Variants in BTBD9 observed in about 807,000 individuals in gnomAD.
BTBD9 encodes the protein BTB domain containing 9.
A neutral mutation model predicts 64.3 loss-of-function variants in BTBD9; 49 were observed. The observed-to-expected ratio is 0.76, with a 90% CI of 0.61 to 0.97. The LOEUF is 0.97. Among genes scored for constraint, BTBD9 ranks in the 50% least tolerant of loss-of-function variants. BTBD9 has a pLI of 0.00. For missense variants in BTBD9, 598 were observed against 762.1 expected, an observed-to-expected ratio of 0.78 and a Z score of 2.53; for synonymous variants, 260 against 274.7, an observed-to-expected ratio of 0.95 and a Z score of 0.53.
chr6:38,629,783 T>C lies in BTBD9; in HGVS notation c.-28+10017A>G, dbSNP rs142796085. On this transcript the variant is annotated intron_variant, in intron 1 of 10. Coordinates refer to ENST00000481247, the MANE Select transcript of BTBD9 (RefSeq NM_001099272.2). ...GTTACAGTGAGCTGAAATCACACCATTGCACTCCAGCCTGGGCAATAAGAA... is the reference window on the plus strand; with the variant it reads ...GTTACAGTGAGCTGAAATCACACCACTGCACTCCAGCCTGGGCAATAAGAA... Among the ~76,000 whole-genome samples, 15 of 151,720 alleles carry C rather than the reference T, an allele frequency of 9.9e-5. No homozygotes were observed. The East Asian group carries it at 2.6e-3, about 26-fold the overall frequency.
At chr6:38,197,083 T>G (rs1196846601) in intron 9 of BTBD9, among the ~76,000 whole-genome samples, 1 of 152,146 alleles carries the variant, frequency 6.6e-6, no homozygotes, top group Non-Finnish European at 1.5e-5. Flanking sequence ...GGTCTGTTAA[T>G]AAGGAAAGTT....
At chr6:38,530,410 C>T (rs111847605) in intron 6 of BTBD9, among the ~76,000 whole-genome samples, 16,685 of 152,138 alleles carry the variant, frequency 0.11, 1,117 homozygotes, top group Non-Finnish European at 0.14. Context: ...TGTTCTTACA[C>T]CCCCTCCCCT....
chr6:38,325,181 C>T lies in BTBD9; in HGVS notation c.1264+19803G>A, dbSNP rs558908908. On this transcript the variant is annotated intron_variant, in intron 7 of 10. Transcript: ENST00000481247. ...AAAAACATTTCTGAAAATTAAAACA[C>T]ATATACAAAATTGCCCAATATTATA... 3.9e-5 allele frequency among the ~76,000 whole-genome samples: 6 copies of T among 151,956 alleles called. No individual in the cohort carries two copies. In the South Asian group the frequency reaches 1.2e-3, roughly 32 times the overall value.
chr6:38,275,718 T>C (rs1761209847), intron 8 of BTBD9, among the ~76,000 whole-genome samples: 1 of 152,192 alleles, frequency 6.6e-6, no homozygotes, highest in Non-Finnish European at 1.5e-5. Context: ...CAAAAGAAGA[T>C]ATTTATGCAG....
chr6:38,409,826 A>T lies in BTBD9; in HGVS notation c.1155-64733T>A, dbSNP rs1052573263. On this transcript the variant is annotated intron_variant, in intron 6 of 10. Transcript: ENST00000481247. ...GCAACAGAGCAAGACTCTGTATCAA[A>T]AAATAAATAAATAAATAATAATAAA... Among the ~76,000 whole-genome samples, 4 of 152,128 alleles carry T rather than the reference A, an allele frequency of 2.6e-5. No individual in the cohort carries two copies. The East Asian group carries it at 5.8e-4, about 22-fold the overall frequency.
At chr6:38,324,750 A>C (rs1763358192) in intron 7 of BTBD9, among the ~76,000 whole-genome samples, 1 of 152,240 alleles carries the variant, frequency 6.6e-6, no homozygotes, top group Admixed American at 6.5e-5. Flanking sequence ...GGAAGTATGA[A>C]GCAAAATTAA....
At chr6:38,240,602 A>C (rs930245831) in intron 9 of BTBD9, among the ~76,000 whole-genome samples, 11 of 152,206 alleles carry the variant, frequency 7.2e-5, no homozygotes, top group Non-Finnish European at 1.3e-4. Flanking sequence ...CCCAAAATGA[A>C]AAGCTTAGAA....
intron 1 of BTBD9, among the ~76,000 whole-genome samples, chr6:38,603,735 G>T (rs1465377804): frequency 6.6e-6 from 1 of 152,166 alleles, no homozygotes; most frequent in Admixed American, 6.5e-5. Flanking sequence ...TCTGCCAGGT[G>T]TATTTCCTGA....
chr6:38,558,711 A>G (rs367602464), intron 6 of BTBD9, among the ~76,000 whole-genome samples: 3 of 152,350 alleles, frequency 2.0e-5, no homozygotes, highest in Admixed American at 6.5e-5. Context: ...ATGTTGAACC[A>G]ACCTTGCATC....
In BTBD9 at chr6:38,350,183, C is replaced by T. The variant is rs568674627; in HGVS notation, c.1155-5090G>A. Among the ~76,000 whole-genome samples the T allele has an allele frequency of 3.3e-5, 5 of 152,266 alleles. No individual in the cohort carries two copies. In the East Asian group the frequency reaches 5.8e-4, roughly 18 times the overall value. On this transcript the variant is annotated intron_variant, in intron 6 of 10. Coordinates refer to ENST00000481247, the MANE Select transcript of BTBD9 (RefSeq NM_001099272.2). ...AATGAATTTCTTTACAGAGAGACAG[C>T]ATAGTACTATGACCTAAAGAAATTT...
intron 7 of BTBD9, among the ~76,000 whole-genome samples, chr6:38,300,543 G>C (rs1265617054): frequency 1.3e-5 from 2 of 151,366 alleles, no homozygotes; most frequent in Admixed American, 6.6e-5. Flanking sequence ...ATTGAGCAGT[G>C]GTTTGTAGTT....
chr6:38,610,222 C>A (rs1777566644), intron 1 of BTBD9, among the ~76,000 whole-genome samples: 1 of 152,104 alleles, frequency 6.6e-6, no homozygotes, highest in Non-Finnish European at 1.5e-5. Context: ...GCCAGCTTCT[C>A]GAAGTGTATA....
intron 8 of BTBD9, among the ~76,000 whole-genome samples, chr6:38,263,962 T>G (rs1056402770): frequency 6.6e-6 from 1 of 152,160 alleles, no homozygotes; most frequent in Non-Finnish European, 1.5e-5. Context: ...AATGATACCG[T>G]GATGGCTACA....
rs924900598 is a variant in BTBD9 at position 38,505,870 on chromosome 6, C to T, written c.1154+71730G>A. Among the ~76,000 whole-genome samples the T allele has an allele frequency of 4.1e-5, 6 of 145,030 alleles. No individual in the cohort carries two copies. In the East Asian group the frequency reaches 6.1e-4, roughly 15 times the overall value. On this transcript the variant is annotated intron_variant, in intron 6 of 10. Coordinates refer to ENST00000481247, the MANE Select transcript of BTBD9 (RefSeq NM_001099272.2). ...GTCCCAGCTACTCAGGAGGCTGAGGCGGAAGAATCACTGGAACCCGGGAGG... is the reference window on the plus strand; with the variant it reads ...GTCCCAGCTACTCAGGAGGCTGAGGTGGAAGAATCACTGGAACCCGGGAGG...
intron 9 of BTBD9, among the ~76,000 whole-genome samples, chr6:38,245,139 A>T (rs1764139098): frequency 6.6e-6 from 1 of 152,250 alleles, no homozygotes; most frequent in Non-Finnish European, 1.5e-5. Context: ...CTAGGCTACT[A>T]CTATGGATCA....
intron 6 of BTBD9, among the ~76,000 whole-genome samples, chr6:38,542,883 G>A (rs1316948007): frequency 2.0e-5 from 3 of 152,078 alleles, no homozygotes; most frequent in Admixed American, 1.3e-4. Flanking sequence ...GTACTACCTG[G>A]CCACTGAAAG....
At chr6:38,228,351 C>CGCCA (rs566108714) in intron 9 of BTBD9, among the ~76,000 whole-genome samples, 2 of 28,298 alleles carry the variant, frequency 7.1e-5, no homozygotes, top group Admixed American at 5.8e-4. Flanking sequence ...TCCCCCCCCC[C>CGCCA]AAAAAAAAAA....
intron 6 of BTBD9, among the ~76,000 whole-genome samples, chr6:38,366,980 A>T (rs1317597723): frequency 6.6e-6 from 1 of 152,264 alleles, no homozygotes; most frequent in Non-Finnish European, 1.5e-5. Flanking sequence ...TTTAGTAATA[A>T]GACTTCAAGG....
intron 6 of BTBD9, chr6:38,504,367 G>A (rs1287005804): frequency 3.2e-6 from 1 of 313,780 alleles, no homozygotes; most frequent in Non-Finnish European, 6.4e-6. Flanking sequence ...ATTTTACGGA[G>A]ACTACAAACT....
Sources: allele counts gnomAD v4.1 joint callset (sites outside exome capture counted in the v4.1 genomes callset), GRCh38; gene constraint gnomAD v4.1.1; transcripts MANE v1.5; gene names NCBI Gene and HGNC (gene_info 2026-07-23, HGNC 2026-07-21).